Variants in CD44 observed in about 807,000 individuals in gnomAD.
CD44 encodes the protein CD44 antigen.
A neutral mutation model predicts 88.8 loss-of-function variants in CD44; 49 were observed. The ratio of observed to expected loss-of-function variants is 0.55; its 90% CI spans 0.44 to 0.70. The LOEUF is 0.70. CD44 is among the 30% of genes least tolerant of loss of function. The pLI is 0.00. For synonymous variants in CD44, 325 were observed against 312.3 expected, an observed-to-expected ratio of 1.04 and a Z score of -0.43; for missense variants, 883 against 913.8, an observed-to-expected ratio of 0.97 and a Z score of 0.43.
intron 1 of CD44, among the ~76,000 whole-genome samples, chr11:35,171,403 C>T (rs1383987106): frequency 1.3e-5 from 2 of 152,184 alleles, no homozygotes; most frequent in Non-Finnish European, 2.9e-5. Flanking sequence ...TAAATGTAAG[C>T]TGTGGAATTT....
intron 1 of CD44, among the ~76,000 whole-genome samples, chr11:35,151,205 A>C (rs1860255916): frequency 6.6e-6 from 1 of 152,116 alleles, no homozygotes; most frequent in Non-Finnish European, 1.5e-5. Flanking sequence ...GATTGGGGCC[A>C]GGGGAGGGGT....
chr11:35,189,697 C>T (rs1946076889), intron 4 of CD44, 138 bp from the exon 5 acceptor site: 1 of 657,774 alleles, frequency 1.5e-6, no homozygotes, highest in South Asian at 1.8e-5. Flanking sequence ...AGTGCATCTG[C>T]CACTCTCTCC....
chr11:35,199,736 A>C lies in CD44; in HGVS notation c.923-1346A>C, dbSNP rs965989414. Among the ~76,000 whole-genome samples the C allele has an allele frequency of 2.0e-5, 3 of 152,146 alleles. 1 individual carries two copies. The highest frequency in any genetic ancestry group is 2.0e-4 in the Admixed American group (3 of 15,268). ...TTTTGGTAACTTCAGAACAAAAACC[A>C]AATAATCAAAAACACTGGAGTTTTA... On this transcript the variant is annotated intron_variant, in intron 7 of 17. Coordinates refer to ENST00000428726, the MANE Select transcript of CD44 (RefSeq NM_000610.4).
Position 35,180,418 on chromosome 11 carries a change from A to T in CD44, c.367+11A>T, listed in dbSNP as rs1944875766. The T allele has an allele frequency of 6.2e-7, 1 of 1,613,838 alleles. No homozygotes were observed. ...GCTTCAATGCTTCAGGTTGGTTCTC[A>T]GGGGGGTGTCTGTTGGCGTGAAAGG... On this transcript the variant is annotated intron_variant, in intron 3 of 17. Coordinates refer to ENST00000428726, the MANE Select transcript of CD44 (RefSeq NM_000610.4).
chr11:35,213,889 A>G (rs1487261925), intron 14 of CD44: 1 of 152,084 alleles, frequency 6.6e-6, no homozygotes, highest in African/African-American at 2.4e-5. Flanking sequence ...ACCCGCTTCC[A>G]CCTTCTCTAA....
At chr11:35,179,809 A>C (rs1944818001) in intron 2 of CD44, among the ~76,000 whole-genome samples, 1 of 152,180 alleles carries the variant, frequency 6.6e-6, no homozygotes, top group East Asian at 1.9e-4. Context: ...GACATGAGGC[A>C]GGTCTGGAAT....
chr11:35,172,252 A>G (rs1943990823), intron 1 of CD44, among the ~76,000 whole-genome samples: 1 of 152,192 alleles, frequency 6.6e-6, no homozygotes, highest in African/African-American at 2.4e-5. Context: ...GATCACACAC[A>G]TAAGGCCATG....
At chr11:35,153,031 A>T (rs1228546911) in intron 1 of CD44, among the ~76,000 whole-genome samples, 1 of 152,232 alleles carries the variant, frequency 6.6e-6, no homozygotes, top group Non-Finnish European at 1.5e-5. Context: ...ATAACAGGGC[A>T]TGTCAGAATG....
chr11:35,146,428 A>T (rs1458554126), intron 1 of CD44, among the ~76,000 whole-genome samples: 1 of 152,198 alleles, frequency 6.6e-6, no homozygotes, highest in African/African-American at 2.4e-5. Context: ...TTCTGTTTGC[A>T]TCTTTGCACA....
chr11:35,214,708 A>T (rs905878468), intron 14 of CD44, 144 bp from the exon 15 acceptor site: 23 of 424,488 alleles, frequency 5.4e-5, no homozygotes, highest in Non-Finnish European at 8.9e-5. Flanking sequence ...GGACCCATTC[A>T]AGGCTGTTTT....
chr11:35,184,160 C>T (rs1187569830), intron 3 of CD44, among the ~76,000 whole-genome samples: 4 of 152,082 alleles, frequency 2.6e-5, no homozygotes, highest in African/African-American at 4.8e-5. Flanking sequence ...CCCTGGAATC[C>T]GACATGAGAG....
rs1946791273 is a variant in CD44 at position 35,196,716 on chromosome 11, CA to C, written c.668-28del. ...TCTTAGGAACCGTTAATTAATCTTT[CA>C]ACAATCAATTCAATCATGATTACAA... On this transcript the variant is annotated intron_variant, in intron 5 of 17. Transcript: ENST00000428726. 3.1e-6 allele frequency: 5 copies of C among 1,607,986 alleles called. No individual in the cohort carries two copies. The East Asian group carries it at 1.1e-4, about 36-fold the overall frequency.
chr11:35,205,925 A>G, intron 10 of CD44, 187 bp from the exon 11 acceptor site: 2 of 1,243,160 alleles, frequency 1.6e-6, no homozygotes, highest in Non-Finnish European at 2.0e-6. Flanking sequence ...TAAGAAGAAA[A>G]TGAGCATGAG....
chr11:35,229,108 G>T, intron 17 of CD44, 21 bp from the exon 18 acceptor site: 2 of 1,594,682 alleles, frequency 1.3e-6, no homozygotes, highest in Non-Finnish European at 1.7e-6. Context: ...TTCTGATATG[G>T]TACATTTTTT....
chr11:35,230,556 T>A lies in CD44; in HGVS notation c.*1223T>A, dbSNP rs1234481598. The A allele has an allele frequency of 6.6e-6, 1 of 152,260 alleles. No individual in the cohort carries two copies. 9.4% of individuals were successfully genotyped at this position (152,260 alleles called of 1,614,324 possible). ...CATTTTTATGGCTGTATTTGTAAAC[T>A]TAAACACACCAGTGTCTGTTCTTGA... On this transcript the variant is annotated 3_prime_UTR_variant, in exon 18 of 18. Coordinates refer to ENST00000428726, the MANE Select transcript of CD44 (RefSeq NM_000610.4).
At chr11:35,204,356 T>A (rs1334581656) in intron 9 of CD44, among the ~76,000 whole-genome samples, 156 bp from the exon 10 acceptor site, 1 of 152,228 alleles carries the variant, frequency 6.6e-6, no homozygotes, top group Non-Finnish European at 1.5e-5. Context: ...TGATTTCTCA[T>A]ATCCCTTTTA....
chr11:35,189,654 G>A (rs1946071179), intron 4 of CD44, among the ~76,000 whole-genome samples, 181 bp from the exon 5 acceptor site: 1 of 152,164 alleles, frequency 6.6e-6, no homozygotes, highest in Non-Finnish European at 1.5e-5. Flanking sequence ...CTCATCCCCA[G>A]GGTGTGTGGG....
At chr11:35,164,762 A>G (rs1304641939) in intron 1 of CD44, among the ~76,000 whole-genome samples, 1 of 152,232 alleles carries the variant, frequency 6.6e-6, no homozygotes, top group Non-Finnish European at 1.5e-5. Context: ...TTGTGTTCTT[A>G]ATAATGAAGG....
Position 35,229,921 on chromosome 11 carries a change from C to T in CD44, c.*588C>T, listed in dbSNP as rs1949975599. ...TTATCTGTGTTTTTGAAATATTAAA[C>T]CCTGGATCAGTCCTTTGATCAGTAT... is the stretch of plus-strand genomic sequence containing the variant. On this transcript the variant is annotated 3_prime_UTR_variant, in exon 18 of 18. Transcript: ENST00000428726. The T allele has an allele frequency of 6.5e-6, 1 of 153,146 alleles. No individual in the cohort carries two copies. The highest frequency in any genetic ancestry group is 2.4e-5 in the African/African-American group (1 of 41,450). The allele number at this position is 153,146 out of a possible 1,614,324, so 9.5% of individuals were successfully genotyped here. A position where few individuals can be genotyped will look rare whatever the true frequency, so the allele number is the denominator to read the frequency against.
Sources: gnomAD v4.1 joint callset for allele counts (sites outside exome capture counted in the v4.1 genomes callset) on GRCh38, gnomAD v4.1.1 for gene constraint, MANE v1.5 for transcripts, NCBI Gene and HGNC (gene_info 2026-07-23, HGNC 2026-07-21) for gene names.